The following AMBRA1 variants were observed in gnomAD, a reference collection of about 807,000 sequenced individuals.
AMBRA1 encodes the protein autophagy and beclin 1 regulator 1, also known as activating molecule in BECN1-regulated autophagy protein 1.
A neutral mutation model predicts 125.4 loss-of-function variants in AMBRA1; 47 were observed. That is an observed-to-expected ratio of 0.37 (90% CI 0.30 to 0.48). The LOEUF (loss-of-function observed/expected upper bound fraction) is 0.48, where lower values mean the gene tolerates loss of function less well. Ranked by LOEUF, AMBRA1 falls within the 20% of genes least tolerant of loss-of-function variation. AMBRA1 has a pLI of 0.99. For synonymous variants in AMBRA1, 626 were observed against 655.5 expected (o/e 0.95, Z 0.69); for missense variants, 1,331 against 1,693.4 (o/e 0.79, Z 3.76).
At chr11:46,541,865 G>C (rs540990080) in intron 7 of AMBRA1, 80 bp downstream of exon 7, 3 of 1,553,618 alleles carry the variant, frequency 1.9e-6, no homozygotes, top group Non-Finnish European at 2.6e-6. Flanking sequence ...TCCAGATACA[G>C]CCACAACATC....
intron 9 of AMBRA1, among the ~76,000 whole-genome samples, chr11:46,501,237 C>A (rs1950825864): frequency 6.6e-6 from 1 of 152,238 alleles, no homozygotes; most frequent in African/African-American, 2.4e-5. Context: ...TGAGTTTGCA[C>A]ACTTCCCCAT....
chr11:46,583,314 C>T (rs1476654466), intron 1 of AMBRA1, among the ~76,000 whole-genome samples: 3 of 151,748 alleles, frequency 2.0e-5, no homozygotes, highest in African/African-American at 7.2e-5. Context: ...AAAGCTGAAA[C>T]TGGATCCCTT....
intron 7 of AMBRA1, among the ~76,000 whole-genome samples, chr11:46,531,525 T>G (rs1162204443): frequency 6.7e-6 from 1 of 149,768 alleles, no homozygotes; most frequent in Non-Finnish European, 1.5e-5. Context: ...GCCCAGCCAA[T>G]ATGGCGAAAC....
chr11:46,558,064 C>T (rs1444080978), intron 1 of AMBRA1, among the ~76,000 whole-genome samples: 1 of 152,164 alleles, frequency 6.6e-6, no homozygotes, highest in Non-Finnish European at 1.5e-5. Flanking sequence ...CTTAGACCTT[C>T]TAACCTAGCC....
intron 9 of AMBRA1, among the ~76,000 whole-genome samples, chr11:46,507,402 T>C (rs1052354790): frequency 7.3e-6 from 1 of 137,184 alleles, no homozygotes; most frequent in African/African-American, 2.8e-5. Flanking sequence ...TGGCGTGAAC[T>C]CGGGAGGCGG....
chr11:46,412,556 C>T (rs942062842), intron 15 of AMBRA1, among the ~76,000 whole-genome samples: 1 of 152,132 alleles, frequency 6.6e-6, no homozygotes, highest in African/African-American at 2.4e-5. Flanking sequence ...TCCCAAAGTA[C>T]TGGGATTATA....
chr11:46,485,847 A>G (rs1590929553), intron 11 of AMBRA1, among the ~76,000 whole-genome samples: 2 of 152,322 alleles, frequency 1.3e-5, no homozygotes, highest in East Asian at 3.9e-4. Context: ...CAGCTTAGAA[A>G]CTGGGCCCCA....
intron 9 of AMBRA1, among the ~76,000 whole-genome samples, chr11:46,496,805 TAA>T (rs767496674): frequency 8.5e-4 from 118 of 139,062 alleles, no homozygotes; most frequent in Non-Finnish European, 7.5e-4. Context: ...TCCCTTCATT[TAA>T]AAAAAAAAAA....
At chr11:46,505,689 C>A in intron 9 of AMBRA1, among the ~76,000 whole-genome samples, 1 of 128,526 alleles carries the variant, frequency 7.8e-6, no homozygotes, top group Admixed American at 8.5e-5. Context: ...TGGGGGAGAG[C>A]GCACAGGTGG....
At chr11:46,519,867 C>T (rs770544800) in intron 7 of AMBRA1, among the ~76,000 whole-genome samples, 5 of 152,076 alleles carry the variant, frequency 3.3e-5, no homozygotes, top group South Asian at 2.1e-4. Flanking sequence ...ATGAGGATCC[C>T]GGTGGCTCAC....
chr11:46,441,971 T>G, intron 12 of AMBRA1, among the ~76,000 whole-genome samples: 2 of 108,618 alleles, frequency 1.8e-5, no homozygotes, highest in East Asian at 2.3e-4. Flanking sequence ...AAAAAAAAAC[T>G]TTTTTTTTTT....
chr11:46,511,387 G>A (rs1017136197), intron 8 of AMBRA1, among the ~76,000 whole-genome samples: 1 of 152,114 alleles, frequency 6.6e-6, no homozygotes, highest in Non-Finnish European at 1.5e-5. Context: ...TCTAGGGTGT[G>A]GAAAAGGAAC....
chr11:46,577,867 T>C lies in AMBRA1; in HGVS notation c.-121+15961A>G, dbSNP rs570734394. 9.2e-5 allele frequency among the ~76,000 whole-genome samples: 14 copies of C among 152,072 alleles called. No individual in the cohort carries two copies. The East Asian group carries it at 2.7e-3, about 29-fold the overall frequency. On this transcript the variant is annotated intron_variant, in intron 1 of 17. Transcript: ENST00000683756. Reference sequence around the variant, plus strand: ...CAGGAGGCTGAGGCAGGAGAATCACTTGAACCCAGGAGGAGGAGGTTGCAG... The same window carrying C: ...CAGGAGGCTGAGGCAGGAGAATCACCTGAACCCAGGAGGAGGAGGTTGCAG...
chr11:46,420,879 C>G (rs1436216615), intron 14 of AMBRA1, among the ~76,000 whole-genome samples: 1 of 152,080 alleles, frequency 6.6e-6, no homozygotes, highest in Non-Finnish European at 1.5e-5. Flanking sequence ...AGTAGCCTTA[C>G]GAGGAGAATA....
intron 1 of AMBRA1, among the ~76,000 whole-genome samples, chr11:46,557,808 A>G (rs1231081124): frequency 1.2e-4 from 18 of 151,954 alleles, no homozygotes; most frequent in Non-Finnish European, 8.8e-5. Flanking sequence ...GCCCTGACTC[A>G]AAAAACAAAC....
intron 1 of AMBRA1, among the ~76,000 whole-genome samples, chr11:46,588,043 T>A (rs752260143): frequency 6.6e-6 from 1 of 151,900 alleles, no homozygotes; most frequent in Non-Finnish European, 1.5e-5. Flanking sequence ...AGAAAAGAAA[T>A]AGAAGGAGGA....
chr11:46,457,266 C>T (rs992070578), intron 11 of AMBRA1, among the ~76,000 whole-genome samples: 3 of 152,146 alleles, frequency 2.0e-5, no homozygotes, highest in Non-Finnish European at 4.4e-5. Flanking sequence ...CCACTGCAAT[C>T]ACTGCCACAT....
At chr11:46,425,307 CATTTGTGT>C (rs1191091305) in intron 14 of AMBRA1, among the ~76,000 whole-genome samples, 6 of 111,630 alleles carry the variant, frequency 5.4e-5, no homozygotes, top group African/African-American at 2.1e-4. Context: ...TTGCTTGATC[CATTTGTGT>C]GTGTGTGTGT....
At position 46,478,979 on chromosome 11, in the gene AMBRA1, G is replaced by A. The variant is rs557391888; in HGVS notation, c.2521+14629C>T. Among the ~76,000 whole-genome samples the A allele has an allele frequency of 6.0e-4, 92 of 152,250 alleles. 1 individual carries two copies. The highest frequency in any genetic ancestry group is 2.1e-3 in the African/African-American group (87 of 41,538). ...TTTGGGAGGCCAAGGTGGTAGGATC[G>A]CTTGAGCCCAAGAGTTTAAGACCAG... On this transcript the variant is annotated intron_variant, in intron 11 of 17. Transcript: ENST00000683756.
Sources: gnomAD v4.1 joint callset for allele counts (sites outside exome capture counted in the v4.1 genomes callset) on GRCh38, gnomAD v4.1.1 for gene constraint, MANE v1.5 for transcripts, NCBI Gene and HGNC (gene_info 2026-07-23, HGNC 2026-07-21) for gene names.